Variants in ARHGEF10L observed in about 807,000 individuals in gnomAD.
ARHGEF10L encodes the protein rho guanine nucleotide exchange factor 10-like protein.
A neutral mutation model predicts 141.2 loss-of-function variants in ARHGEF10L; 69 were observed. That is an observed-to-expected ratio of 0.49 (90% CI 0.40 to 0.60). The LOEUF is 0.60. Among genes scored for constraint, ARHGEF10L ranks in the 20% least tolerant of loss-of-function variants. ARHGEF10L has a pLI of 0.00. For synonymous variants in ARHGEF10L, 711 were observed against 718.5 expected (o/e 0.99, Z 0.17); for missense variants, 1,482 against 1,734.3 (o/e 0.85, Z 2.58).
chr1:17,632,830 T>G (rs2060779028), intron 16 of ARHGEF10L, among the ~76,000 whole-genome samples: 1 of 152,246 alleles, frequency 6.6e-6, no homozygotes, highest in Non-Finnish European at 1.5e-5. Flanking sequence ...TCTGTTTTGC[T>G]CTGGCCAGAT....
chr1:17,693,402 G>C (rs1370658557), intron 27 of ARHGEF10L, among the ~76,000 whole-genome samples: 2 of 152,206 alleles, frequency 1.3e-5, no homozygotes, highest in Admixed American at 1.3e-4. Context: ...TGATGGGATG[G>C]CACACTGTGT....
At chr1:17,677,547 GC>G (rs1323886477) in intron 26 of ARHGEF10L, among the ~76,000 whole-genome samples, 5 of 152,190 alleles carry the variant, frequency 3.3e-5, no homozygotes, top group Admixed American at 1.3e-4. Flanking sequence ...TCCAGCAGCA[GC>G]CCCTGCCCTC....
At chr1:17,564,068 C>T (rs986951985) in intron 1 of ARHGEF10L, among the ~76,000 whole-genome samples, 3 of 152,184 alleles carry the variant, frequency 2.0e-5, no homozygotes. Flanking sequence ...CAGGCTTGGT[C>T]TGACATCATC....
chr1:17,630,468 G>A (rs913051490), intron 15 of ARHGEF10L, among the ~76,000 whole-genome samples: 1 of 152,232 alleles, frequency 6.6e-6, no homozygotes, highest in Non-Finnish European at 1.5e-5. Flanking sequence ...GTTGGCGTTT[G>A]GTTTCCTTGT....
At position 17,640,205 on chromosome 1, in the gene ARHGEF10L, C is replaced by T. The variant is rs371330867; in HGVS notation, c.2175C>T (p.Ser725=). Residue 725 remains serine (S), a synonymous_variant, in exon 21 of 29, where the codon TCC becomes TCT. Coordinates refer to ENST00000361221, the MANE Select transcript of ARHGEF10L (RefSeq NM_018125.4). ...RLLLPGKPDK[S]GRPISFMVVF... is the part of the protein sequence containing the mutation. ...ACTCTAACCCTTCTCACCACAGGTC[C>T]GGCCGCCCCATTAGCTTCATGGTGG... 125 of 1,610,672 alleles carry T rather than the reference C, an allele frequency of 7.8e-5. No homozygotes were observed. Among genetic ancestry groups the T allele is most frequent in the African/African-American group, 9.3e-5 (7 of 74,994 alleles).
At chr1:17,636,110 G>A (rs2060984299) in intron 18 of ARHGEF10L, among the ~76,000 whole-genome samples, 2 of 152,056 alleles carry the variant, frequency 1.3e-5, no homozygotes, top group Non-Finnish European at 2.9e-5. Flanking sequence ...TGGCTCAACT[G>A]CACTCCCTCC....
In ARHGEF10L at chr1:17,573,161, G is replaced by A. The variant is rs1229654758; in HGVS notation, c.-43-7392G>A. On this transcript the variant is annotated intron_variant, in intron 1 of 28. Coordinates refer to ENST00000361221, the MANE Select transcript of ARHGEF10L (RefSeq NM_018125.4). The surrounding 1 kb of genome is among the most constrained non-coding windows in gnomAD (Gnocchi z 4.8). ...GCTTTGGGTAGGTCCCTTCCCATCT[G>A]AGCCTCAGCTTCCCTGTGTCTAAAA... Among the ~76,000 whole-genome samples, 2 of 152,120 alleles carry A rather than the reference G, an allele frequency of 1.3e-5. No individual in the cohort carries two copies. The highest frequency in any genetic ancestry group is 2.4e-5 in the African/African-American group (1 of 41,436).
In ARHGEF10L at chr1:17,618,266, C is replaced by T. The variant is rs747798026; in HGVS notation, c.836-1073C>T. On this transcript the variant is annotated intron_variant, in intron 9 of 28. Transcript: ENST00000361221. ...GGGCTCTCCTCAGCCCTCCCCACCC[C>T]GCCCACAAGCCCAGCGCCTTCCTGA... is the stretch of plus-strand genomic sequence containing the variant. 295 of 1,334,400 alleles carry T rather than the reference C, an allele frequency of 2.2e-4. 5 individuals carry two copies. Among genetic ancestry groups the T allele is most frequent in the Admixed American group, 8.5e-4 (31 of 36,602 alleles). The allele number at this position is 1,334,400 out of a possible 1,614,324, so 82.7% of individuals were successfully genotyped here.
At chr1:17,544,883 G>A (rs2076861901) in intron 1 of ARHGEF10L, among the ~76,000 whole-genome samples, 4 of 152,144 alleles carry the variant, frequency 2.6e-5, no homozygotes, top group Admixed American at 2.6e-4. Flanking sequence ...TTACATGGTG[G>A]CAGGCGAGAG....
chr1:17,620,337 C>T (rs1025082182), intron 10 of ARHGEF10L, among the ~76,000 whole-genome samples: 7 of 152,128 alleles, frequency 4.6e-5, no homozygotes, highest in East Asian at 1.9e-4. Flanking sequence ...AAACAGGGTG[C>T]GAGATCCCTG....
Position 17,697,309 on chromosome 1 carries a change from A to T in ARHGEF10L, c.3769A>T (p.Ser1257Cys). 2.5e-6 allele frequency: 4 copies of T among 1,612,346 alleles called. No homozygotes were observed. Among genetic ancestry groups the T allele is most frequent in the South Asian group, 1.1e-5 (1 of 91,032 alleles). The change falls in exon 29 of 29, where the codon AGT becomes TGT. Residue 1257 changes from serine to cysteine, a missense_variant. Transcript: ENST00000361221. The surrounding 1 kb of genome is among the most constrained non-coding windows in gnomAD (Gnocchi z 4.8). The stretch of plus-strand genomic sequence containing the variant: ...CAACTTTGGCAGCGCTCTGGGCAGC[A>T]GTGGGAGGCAGGCCCCGTGTGGGGA... ...YRNFGSALGS[S>C]GRQAPCGETD... is the part of the protein sequence containing the mutation.
chr1:17,669,927 C>CG (rs770519915), intron 26 of ARHGEF10L, among the ~76,000 whole-genome samples: 33 of 152,302 alleles, frequency 2.2e-4, no homozygotes, highest in Non-Finnish European at 4.3e-4. Context: ...CCAGGGGAGG[C>CG]GGGATCCCAG....
At chr1:17,604,074 A>T (rs932677631) in intron 6 of ARHGEF10L, among the ~76,000 whole-genome samples, 1 of 151,994 alleles carries the variant, frequency 6.6e-6, no homozygotes, top group Non-Finnish European at 1.5e-5. Flanking sequence ...AACTCACCTG[A>T]TGGAAGAGAG....
chr1:17,551,199 A>G (rs1374717441), intron 1 of ARHGEF10L, among the ~76,000 whole-genome samples: 2 of 152,094 alleles, frequency 1.3e-5, no homozygotes, highest in South Asian at 2.1e-4. Flanking sequence ...TCTCCTCCCA[A>G]CACATATTTA....
At chr1:17,620,077 CT>C (rs2060025010) in intron 10 of ARHGEF10L, among the ~76,000 whole-genome samples, 1 of 152,030 alleles carries the variant, frequency 6.6e-6, no homozygotes, top group Admixed American at 6.6e-5. Flanking sequence ...GTGGTACACG[CT>C]TGTAGTCTCA....
chr1:17,571,081 T>C (rs935833759), intron 1 of ARHGEF10L, among the ~76,000 whole-genome samples: 2 of 152,086 alleles, frequency 1.3e-5, no homozygotes, highest in African/African-American at 4.8e-5. Context: ...CAGGACAGGC[T>C]GGAGGCATCA....
At chr1:17,544,065 G>GC (rs1165094930) in intron 1 of ARHGEF10L, among the ~76,000 whole-genome samples, 2 of 151,424 alleles carry the variant, frequency 1.3e-5, no homozygotes, top group East Asian at 2.0e-4. Context: ...TCCTGCCTCA[G>GC]CCTCTGGGAT....
chr1:17,672,351 A>C (rs1366178456), intron 26 of ARHGEF10L, among the ~76,000 whole-genome samples: 6 of 152,138 alleles, frequency 3.9e-5, no homozygotes, highest in Non-Finnish European at 8.8e-5. Flanking sequence ...CTTATTTATG[A>C]CATGAAACGG....
intron 4 of ARHGEF10L, among the ~76,000 whole-genome samples, chr1:17,588,725 C>CT (rs1186572434): frequency 4.6e-5 from 7 of 152,052 alleles, no homozygotes; most frequent in Admixed American, 6.5e-5. Flanking sequence ...AACCCTACCT[C>CT]TGTGGCCTTG....
Sources: gnomAD v4.1 joint callset for allele counts (sites outside exome capture counted in the v4.1 genomes callset) on GRCh38, gnomAD v4.1.1 for gene constraint, Gnocchi (gnomAD v3.1) non-coding constraint, MANE v1.5 for transcripts, NCBI Gene and HGNC (gene_info 2026-07-23, HGNC 2026-07-21) for gene names.